RPRD1B: variants seen among roughly 807,000 people sequenced by gnomAD.
The protein encoded by RPRD1B is regulation of nuclear pre-mRNA domain containing 1B.
RPRD1B carries 11 observed loss-of-function variants against 41.5 expected under a neutral mutation model. That is an observed-to-expected ratio of 0.27 (90% CI 0.17 to 0.44). The LOEUF (loss-of-function observed/expected upper bound fraction) is 0.44, where lower values mean the gene tolerates loss of function less well. RPRD1B is among the 20% of genes least tolerant of loss of function. The pLI is 1.00. For synonymous variants in RPRD1B, 158 were observed against 155.6 expected (o/e 1.02, Z -0.12); for missense variants, 248 against 389.9 (o/e 0.64, Z 3.06).
chr20:38,062,713 A>G (rs2074310129), intron 5 of RPRD1B, among the ~76,000 whole-genome samples: 1 of 151,942 alleles, frequency 6.6e-6, no homozygotes, highest in Non-Finnish European at 1.5e-5. Context: ...TTGCTCAGCC[A>G]TCATTCTAGT....
At chr20:38,039,075 A>T (rs938910927) in intron 1 of RPRD1B, among the ~76,000 whole-genome samples, 1 of 152,256 alleles carries the variant, frequency 6.6e-6, no homozygotes, top group Non-Finnish European at 1.5e-5. Context: ...TTATGTGCAT[A>T]GAAGCCAGGG....
intron 1 of RPRD1B, among the ~76,000 whole-genome samples, chr20:38,039,375 A>G (rs1359225479): frequency 6.6e-6 from 1 of 151,664 alleles, no homozygotes; most frequent in African/African-American, 2.4e-5. Flanking sequence ...TATCAGAGAA[A>G]TTCTCAGTTT....
chr20:38,033,747 T>G lies in RPRD1B; in HGVS notation c.-201T>G. ...CTCGCTCTCGCGGCAGGGTGAGAGG[T>G]CGGGTGGCCATCTTGTGGCGGCGGC... On this transcript the variant is annotated 5_prime_UTR_variant, in exon 1 of 7. Coordinates refer to ENST00000373433, the MANE Select transcript of RPRD1B (RefSeq NM_021215.4). The G allele has an allele frequency of 1.8e-6, 1 of 558,996 alleles. No homozygotes were observed. The highest frequency in any genetic ancestry group is 3.1e-6 in the Non-Finnish European group (1 of 318,742). 34.6% of individuals were successfully genotyped at this position (558,996 alleles called of 1,614,324 possible). A position where few individuals can be genotyped will look rare whatever the true frequency, so the allele number is the denominator to read the frequency against.
intron 2 of RPRD1B, among the ~76,000 whole-genome samples, chr20:38,043,262 C>T (rs2074085930): frequency 6.6e-6 from 1 of 152,178 alleles, no homozygotes; most frequent in South Asian, 2.1e-4. Flanking sequence ...TTAAGAAAAA[C>T]TTAAGGCAGA....
At chr20:38,087,028 C>T (rs1555803403) in intron 6 of RPRD1B, among the ~76,000 whole-genome samples, 1 of 152,044 alleles carries the variant, frequency 6.6e-6, no homozygotes, top group Middle Eastern at 3.4e-3. Flanking sequence ...ACAATCTCAG[C>T]TCACCACAAC....
At chr20:38,040,904 C>G (rs1165997327) in intron 2 of RPRD1B, among the ~76,000 whole-genome samples, 1 of 152,146 alleles carries the variant, frequency 6.6e-6, no homozygotes. Context: ...GTAAGGGAAC[C>G]TTTTAGTAAC....
At position 38,034,055 on chromosome 20, in the gene RPRD1B, C is replaced by G; in HGVS notation, c.108C>G (p.His36Gln). Reference sequence around the variant, plus strand: ...TTTGGCTCATCCACCACCGCAAGCACGCGGGACCCATCGTCTCCGTGTGGC... The same window carrying G: ...TTTGGCTCATCCACCACCGCAAGCAGGCGGGACCCATCGTCTCCGTGTGGC... Reference protein sequence around the residue: ...LSLWLIHHRKHAGPIVSVWHR... With the variant: ...LSLWLIHHRKQAGPIVSVWHR... Residue 36 changes from histidine (H) to glutamine (Q), a missense_variant, in exon 1 of 7, where the codon CAC (histidine) becomes CAG (glutamine). Physicochemically the swap from His to Gln is conservative, Grantham distance 24. Transcript: ENST00000373433. The G allele has an allele frequency of 6.2e-7, 1 of 1,614,188 alleles. No homozygotes were observed. The highest frequency in any genetic ancestry group is 1.1e-5 in the South Asian group (1 of 91,084).
At chr20:38,076,485 A>G (rs1033751565) in intron 6 of RPRD1B, among the ~76,000 whole-genome samples, 2 of 152,212 alleles carry the variant, frequency 1.3e-5, no homozygotes, top group Non-Finnish European at 2.9e-5. Context: ...TTGTCTCTCC[A>G]GTGTTTAAAA....
chr20:38,071,134 A>G (rs917019233), intron 6 of RPRD1B, among the ~76,000 whole-genome samples: 2 of 152,254 alleles, frequency 1.3e-5, no homozygotes, highest in Non-Finnish European at 2.9e-5. Context: ...GTGCACACAC[A>G]CAAAGATGAT....
Position 38,066,123 on chromosome 20 carries a change from C to T in RPRD1B, c.698C>T (p.Ala233Val). ...CGTCTTTCAAAAACAGTAGATGAAG[C>T]ATGTCTGTTACTAGCAGAATATAAC... ...AERLSKTVDE[A>V]CLLLAEYNGR... Residue 233 changes from alanine to valine, a missense_variant, in exon 6 of 7, where the codon GCA becomes GTA. Transcript: ENST00000373433. 1 of 1,614,152 alleles carries T rather than the reference C, an allele frequency of 6.2e-7. No homozygotes were observed. Among genetic ancestry groups the T allele is most frequent in the Non-Finnish European group, 8.5e-7 (1 of 1,180,026 alleles).
intron 2 of RPRD1B, among the ~76,000 whole-genome samples, chr20:38,042,881 A>G (rs1289461682): frequency 1.3e-5 from 2 of 152,234 alleles, no homozygotes; most frequent in African/African-American, 4.8e-5. Context: ...AAAACTCTCA[A>G]GTCAGAGAAA....
chr20:38,076,958 C>T (rs1309899596), intron 6 of RPRD1B, among the ~76,000 whole-genome samples: 1 of 121,392 alleles, frequency 8.2e-6, no homozygotes, highest in Non-Finnish European at 1.6e-5. Flanking sequence ...TCGCTGTTGC[C>T]CAGGCTGTAG....
At chr20:38,049,727 T>C (rs1222739020) in intron 3 of RPRD1B, 3 of 471,198 alleles carry the variant, frequency 6.4e-6, no homozygotes, top group Non-Finnish European at 1.3e-5. Context: ...TCTGGTTAGT[T>C]GTGGTTTAAT....
intron 1 of RPRD1B, among the ~76,000 whole-genome samples, chr20:38,038,012 G>T (rs1281860966): frequency 6.6e-6 from 1 of 152,124 alleles, no homozygotes; most frequent in Non-Finnish European, 1.5e-5. Context: ...AGCAAGGTTT[G>T]CTTTAACAAA....
intron 5 of RPRD1B, among the ~76,000 whole-genome samples, chr20:38,065,178 C>T (rs1183730465): frequency 6.6e-6 from 1 of 152,140 alleles, no homozygotes; most frequent in African/African-American, 2.4e-5. Flanking sequence ...AGTTCATCCC[C>T]ACGTCCAAGG....
chr20:38,070,786 G>A (rs546038183), intron 6 of RPRD1B: 1 of 945,402 alleles, frequency 1.1e-6, no homozygotes, highest in East Asian at 1.2e-4. Context: ...GTTGCCCAGG[G>A]CTAGAGTGCA....
At chr20:38,088,833 G>A (rs1342244531) in intron 6 of RPRD1B, among the ~76,000 whole-genome samples, 7 of 152,310 alleles carry the variant, frequency 4.6e-5, no homozygotes, top group East Asian at 3.9e-4. Context: ...ATGCGGAGTC[G>A]TCTCCTGGAT....
At chr20:38,070,378 G>T (rs1006672270) in intron 6 of RPRD1B, 1 of 985,500 alleles carries the variant, frequency 1.0e-6, no homozygotes, top group Non-Finnish European at 1.2e-6. Context: ...ACAAATGGCA[G>T]CCCAAAGAGG....
chr20:38,062,141 A>G (rs1185626622), intron 5 of RPRD1B, among the ~76,000 whole-genome samples: 1 of 152,180 alleles, frequency 6.6e-6, no homozygotes. Flanking sequence ...AATTGGTGAT[A>G]TTCCAAGCCA....
Sources: allele counts gnomAD v4.1 joint callset (sites outside exome capture counted in the v4.1 genomes callset), GRCh38; gene constraint gnomAD v4.1.1; transcripts MANE v1.5; gene names NCBI Gene and HGNC (gene_info 2026-07-23, HGNC 2026-07-21).